The following NYAP2 variants were observed in gnomAD, a reference collection of about 807,000 sequenced individuals.
NYAP2 encodes the protein neuronal tyrosine-phosphorylated phosphoinositide-3-kinase adapter 2.
Under a neutral mutation model 50.4 loss-of-function variants are expected in NYAP2, and 23 were observed. The ratio of observed to expected loss-of-function variants is 0.46; its 90% confidence interval spans 0.33 to 0.65. The LOEUF (loss-of-function observed/expected upper bound fraction) is 0.65, where lower values mean the gene tolerates loss of function less well. NYAP2 is among the 30% of genes least tolerant of loss of function. NYAP2 has a pLI of 0.02. For missense variants in NYAP2, 885 were observed against 861.0 expected (o/e 1.03, Z -0.35); for synonymous variants, 394 against 365.2 (o/e 1.08, Z -0.90).
At chr2:225,514,677 G>A (rs897707357) in intron 4 of NYAP2, among the ~76,000 whole-genome samples, 1 of 152,082 alleles carries the variant, frequency 6.6e-6, no homozygotes, top group Non-Finnish European at 1.5e-5. Context: ...AATTTGGGGA[G>A]CACAAACATT....
intron 4 of NYAP2, among the ~76,000 whole-genome samples, chr2:225,518,725 TAAAA>T (rs562454484): frequency 5.0e-4 from 75 of 149,644 alleles, no homozygotes; most frequent in African/African-American, 1.8e-3. Context: ...TTTTGCCAAT[TAAAA>T]ATAAATAGGC....
chr2:225,601,079 GA>G (rs544576990), intron 5 of NYAP2, among the ~76,000 whole-genome samples: 2 of 151,654 alleles, frequency 1.3e-5, no homozygotes, highest in Non-Finnish European at 2.9e-5. Flanking sequence ...GAAATACCCA[GA>G]AGTAGAACTG....
At chr2:225,458,475 T>C (rs111993985) in intron 3 of NYAP2, among the ~76,000 whole-genome samples, 1,751 of 152,338 alleles carry the variant, frequency 0.011, 41 homozygotes, top group African/African-American at 0.04. Context: ...GAAAAAAATA[T>C]CACTTAATGA....
intron 5 of NYAP2, among the ~76,000 whole-genome samples, chr2:225,607,647 G>T (rs973516231): frequency 4.1e-4 from 62 of 152,074 alleles, no homozygotes; most frequent in Non-Finnish European, 7.7e-4. Context: ...AATCCTGTTT[G>T]GTCAAGACTG....
At chr2:225,591,263 A>G (rs1354892538) in intron 5 of NYAP2, among the ~76,000 whole-genome samples, 1 of 152,148 alleles carries the variant, frequency 6.6e-6, no homozygotes, top group African/African-American at 2.4e-5. Flanking sequence ...CACTGGGAGG[A>G]TGGAATGAGA....
chr2:225,690,317 A>G, the NYAP2 span, among the ~76,000 whole-genome samples: 2 of 152,078 alleles, frequency 1.3e-5, no homozygotes, highest in African/African-American at 4.8e-5. Flanking sequence ...TTGTGATTTG[A>G]TAACTAAGGA....
At chr2:225,409,736 G>C (rs1231877142) in intron 3 of NYAP2, among the ~76,000 whole-genome samples, 2 of 151,996 alleles carry the variant, frequency 1.3e-5, no homozygotes, top group African/African-American at 2.4e-5. Context: ...AAATTTCCTA[G>C]AGCGCTGACA....
At chr2:225,486,983 C>T (rs1173396183) in intron 3 of NYAP2, among the ~76,000 whole-genome samples, 1 of 152,204 alleles carries the variant, frequency 6.6e-6, no homozygotes, top group Non-Finnish European at 1.5e-5. Context: ...ATGAGTAGCA[C>T]TTTTGAAATT....
At chr2:225,456,853 G>A (rs1021999371) in intron 3 of NYAP2, among the ~76,000 whole-genome samples, 1 of 152,130 alleles carries the variant, frequency 6.6e-6, no homozygotes, top group African/African-American at 2.4e-5. Flanking sequence ...GCTTATTAGG[G>A]CCCACTGTTT....
intron 3 of NYAP2, among the ~76,000 whole-genome samples, chr2:225,426,462 C>T (rs1030737543): frequency 6.6e-6 from 1 of 152,204 alleles, no homozygotes; most frequent in Non-Finnish European, 1.5e-5. Context: ...ACTCGCTTTG[C>T]TCATCCACTG....
intron 3 of NYAP2, among the ~76,000 whole-genome samples, chr2:225,451,989 A>C (rs1689662122): frequency 6.6e-6 from 1 of 152,062 alleles, no homozygotes; most frequent in Admixed American, 6.6e-5. Context: ...CACACACATA[A>C]ATTGTCATTG....
At chr2:225,443,876 C>T (rs1220983940) in intron 3 of NYAP2, among the ~76,000 whole-genome samples, 1 of 152,104 alleles carries the variant, frequency 6.6e-6, no homozygotes, top group Admixed American at 6.5e-5. Context: ...GGTCACTGAC[C>T]ATAGATCCAA....
At chr2:225,452,702 G>A (rs181858214) in intron 3 of NYAP2, among the ~76,000 whole-genome samples, 1 of 152,182 alleles carries the variant, frequency 6.6e-6, no homozygotes, top group African/African-American at 2.4e-5. Flanking sequence ...TTTTGTTATT[G>A]TTTATTTTGA....
chr2:225,690,641 CTCTT>C, the NYAP2 span, among the ~76,000 whole-genome samples: 1 of 152,118 alleles, frequency 6.6e-6, no homozygotes, highest in South Asian at 2.1e-4. Context: ...ATCAGTTTCT[CTCTT>C]TAATTCTAAC....
In NYAP2 at chr2:225,594,345, GA is replaced by G. The variant is rs1448323219; in HGVS notation, c.1618+11313del. Among the ~76,000 whole-genome samples the G allele has an allele frequency of 2.0e-5, 3 of 152,114 alleles. No homozygotes were observed. The East Asian group carries it at 5.8e-4, about 30-fold the overall frequency. On this transcript the variant is annotated intron_variant, in intron 5 of 6. Transcript: ENST00000636099. Reference sequence around the variant, plus strand: ...TTGAGACCAGCCTGGCCAACGTGGTGAAACCCTGTCTCTACTAAAAATACAA... The same window carrying G: ...TTGAGACCAGCCTGGCCAACGTGGTGAACCCTGTCTCTACTAAAAATACAA...
chr2:225,518,412 C>A (rs1460974203), intron 4 of NYAP2, among the ~76,000 whole-genome samples: 1 of 149,038 alleles, frequency 6.7e-6, no homozygotes, highest in African/African-American at 2.5e-5. Context: ...GGAATAAATT[C>A]AAAACATCTA....
chr2:225,439,805 AT>A (rs1050674338), intron 3 of NYAP2, among the ~76,000 whole-genome samples: 1 of 152,080 alleles, frequency 6.6e-6, no homozygotes, highest in Non-Finnish European at 1.5e-5. Flanking sequence ...TTTTATTTTT[AT>A]TTTTTTGCAG....
At chr2:225,660,632 T>C in the NYAP2 span, among the ~76,000 whole-genome samples, 1 of 152,092 alleles carries the variant, frequency 6.6e-6, no homozygotes, top group Non-Finnish European at 1.5e-5. Flanking sequence ...TAACACTAGG[T>C]GGATACATGG....
intron 3 of NYAP2, among the ~76,000 whole-genome samples, chr2:225,439,805 A>AT (rs1050674338): frequency 3.3e-5 from 5 of 152,080 alleles, no homozygotes; most frequent in South Asian, 2.1e-4. Context: ...TTTTATTTTT[A>AT]TTTTTTTGCA....
Sources: gnomAD v4.1 joint callset for allele counts (sites outside exome capture counted in the v4.1 genomes callset) on GRCh38, gnomAD v4.1.1 for gene constraint, MANE v1.5 for transcripts, NCBI Gene and HGNC (gene_info 2026-07-23, HGNC 2026-07-21) for gene names.